RAB37: variants seen among roughly 807,000 people sequenced by gnomAD.
RAB37 encodes ras-related protein Rab-37.
In RAB37, 29 loss-of-function variants were observed where a neutral mutation model predicts 33.1. The ratio of observed to expected loss-of-function variants is 0.88; its 90% CI spans 0.65 to 1.20. The LOEUF is 1.20. Among genes scored for constraint, RAB37 ranks in the 50% most tolerant of loss-of-function variants. The probability of loss-of-function intolerance (pLI) is 0.00; values close to 1 mark genes in which losing one functional copy is unlikely to be tolerated. For missense variants in RAB37, 299 were observed against 301.1 expected, an observed-to-expected ratio of 0.99 and a Z score of 0.05; for synonymous variants, 128 against 119.5, an observed-to-expected ratio of 1.07 and a Z score of -0.47.
At chr17:74,677,893 C>G (rs995553946) in intron 1 of RAB37, among the ~76,000 whole-genome samples, 11 of 152,124 alleles carry the variant, frequency 7.2e-5, no homozygotes, top group Non-Finnish European at 1.6e-4. Flanking sequence ...AATTTGTGGT[C>G]CCTGGGGCCT....
In RAB37 at chr17:74,671,498, C is replaced by A; in HGVS notation, c.-89C>A. On this transcript the variant is annotated 5_prime_UTR_variant, in exon 1 of 8. Coordinates refer to the RAB37 transcript ENST00000340415. This position sits in a 1 kb window ranked among gnomAD's most constrained non-coding sequence, Gnocchi z 5.0. ...CGGCCCGCAGAGCTCAGACCCAAGC[C>A]TGCCGCACCCAGCGGAGCTCGAACC... is the stretch of plus-strand genomic sequence containing the variant. 7.8e-7 allele frequency: 1 copy of A among 1,280,860 alleles called. No individual in the cohort carries two copies. Among genetic ancestry groups the A allele is most frequent in the Non-Finnish European group, 1.1e-6 (1 of 888,148 alleles). The allele number at this position is 1,280,860 out of a possible 1,614,324, so 79.3% of individuals were successfully genotyped here.
rs370641453 is a variant in RAB37, at chr17:74,678,894, T to G, written c.72+7236T>G. ...GGGAGTCCAAGGCAGGCAGATCACC[T>G]GAGGTCAGGAGTTCAAGATCAGCCT... On this transcript the variant is annotated intron_variant, in intron 1 of 7. Transcript: ENST00000340415. Among the ~76,000 whole-genome samples, 92 of 152,258 alleles carry G rather than the reference T, an allele frequency of 6.0e-4. No homozygotes were observed. In the East Asian group the frequency reaches 0.015, roughly 25 times the overall value.
rs779143134 is a variant in RAB37, at chr17:74,745,063, T to G, written c.545T>G (p.Leu182Ter). 6.2e-7 allele frequency: 1 copy of G among 1,614,198 alleles called. No individual in the cohort carries two copies. The highest frequency in any genetic ancestry group is 1.1e-5 in the South Asian group (1 of 91,088). Residue 182 changes from leucine to a stop codon, truncating the protein, a stop_gained, in exon 8 of 9, where the codon TTA (leucine) becomes TGA (stop). Coordinates refer to ENST00000392613, the MANE Select transcript of RAB37 (RefSeq NM_001006638.3). LOFTEE classifies it high-confidence loss of function. This position sits in a 1 kb window ranked among gnomAD's most constrained non-coding sequence, Gnocchi z 4.5. ...GCCAAGACTGGCATGAATGTGGAGT[T>G]AGCCTTTCTGGCCATCGCCAAGTGA... ...TSAKTGMNVELAFLAIAKELK... is the reference protein window; with the variant it reads ...TSAKTGMNVE
intron 1 of RAB37, chr17:74,672,716 T>G (rs1015654803): frequency 1.3e-5 from 2 of 152,214 alleles, no homozygotes; most frequent in African/African-American, 4.8e-5. Context: ...ACTAAACTTC[T>G]CATCAAAGTG....
At chr17:74,698,686 G>A (rs1001092834) in intron 1 of RAB37, 1 of 1,299,844 alleles carries the variant, frequency 7.7e-7, no homozygotes, top group Non-Finnish European at 1.0e-6. Flanking sequence ...AATGGAACAA[G>A]AGACACCAGG....
intron 1 of RAB37, chr17:74,703,180 A>C (rs1354012320): frequency 6.4e-7 from 1 of 1,570,984 alleles, no homozygotes. Context: ...CAGATCACAG[A>C]TGCCCCTGCC....
Position 74,744,575 on chromosome 17 carries a change from T to C in RAB37, c.432+202T>C. On this transcript the variant is annotated intron_variant, in intron 6 of 8. Transcript: ENST00000392613. The surrounding 1 kb of genome is among the most constrained non-coding windows in gnomAD (Gnocchi z 4.2). The stretch of plus-strand genomic sequence containing the variant: ...AAAGTCCAAGTTGTTGCCTGAGAAA[T>C]CAAGGGGTGCCCAGTTCTCAGCCCC... 1.6e-6 allele frequency: 1 copy of C among 637,444 alleles called. No homozygotes were observed. The allele number at this position is 637,444 out of a possible 1,614,324, so 39.5% of individuals were successfully genotyped here.
At chr17:74,692,740 G>A (rs368502661) in intron 1 of RAB37, among the ~76,000 whole-genome samples, 7 of 152,110 alleles carry the variant, frequency 4.6e-5, no homozygotes, top group African/African-American at 1.7e-4. Context: ...ATTTTCAGGA[G>A]AGGAAAAAGG....
At chr17:74,695,867 A>G (rs1233915460) in intron 1 of RAB37, 14 of 1,611,512 alleles carry the variant, frequency 8.7e-6, no homozygotes, top group Non-Finnish European at 1.2e-5. Flanking sequence ...TACCTGGGAC[A>G]GGGAACACAG....
chr17:74,740,320 G>T (rs2144071460), intron 1 of RAB37, among the ~76,000 whole-genome samples: 1 of 152,164 alleles, frequency 6.6e-6, no homozygotes, highest in South Asian at 2.1e-4. Context: ...CCAATATATT[G>T]ACACTTCCCT....
chr17:74,684,594 C>G (rs1336782796), intron 1 of RAB37, among the ~76,000 whole-genome samples: 1 of 151,998 alleles, frequency 6.6e-6, no homozygotes, highest in African/African-American at 2.4e-5. Context: ...TTGAGAACAG[C>G]CTGACCAACA....
intron 1 of RAB37, among the ~76,000 whole-genome samples, chr17:74,725,182 C>T (rs924910125): frequency 2.0e-4 from 31 of 152,198 alleles, no homozygotes; most frequent in Admixed American, 2.0e-4. Context: ...GGACAAACAA[C>T]CTCCTGTCCC....
At chr17:74,740,998 G>A in intron 2 of RAB37, 120 bp downstream of exon 2, 2 of 757,864 alleles carry the variant, frequency 2.6e-6, no homozygotes, top group South Asian at 3.0e-5. Flanking sequence ...CATGCCTGGA[G>A]GGCACACAAC....
intron 1 of RAB37, chr17:74,695,274 G>A (rs373862190): frequency 2.0e-5 from 33 of 1,612,992 alleles, no homozygotes; most frequent in Non-Finnish European, 2.8e-5. Context: ...CGGGCTCCAG[G>A]TCAGAGAGGA....
chr17:74,714,349 G>T (rs2034125489), intron 1 of RAB37, among the ~76,000 whole-genome samples: 1 of 151,320 alleles, frequency 6.6e-6, no homozygotes, highest in South Asian at 2.1e-4. Flanking sequence ...TTGAGCCACT[G>T]TTCACTGTAC....
intron 1 of RAB37, among the ~76,000 whole-genome samples, chr17:74,708,155 AAAAAAAG>A (rs1330555527): frequency 2.0e-4 from 30 of 151,846 alleles, no homozygotes; most frequent in African/African-American, 5.3e-4. Flanking sequence ...CTCAAAAAAA[AAAAAAAG>A]AAAAAAGAAA....
chr17:74,707,793 G>A (rs1402793938), intron 1 of RAB37, among the ~76,000 whole-genome samples: 2 of 151,592 alleles, frequency 1.3e-5, no homozygotes, highest in Non-Finnish European at 2.9e-5. Flanking sequence ...CCATGAATAA[G>A]ATAAAAGGAT....
chr17:74,736,851 G>A (rs1402889809), upstream of RAB37: 5 of 1,525,620 alleles, frequency 3.3e-6, no homozygotes, highest in Non-Finnish European at 4.4e-6. Flanking sequence ...CCAGCTCCCC[G>A]CCTCGCCACC....
At chr17:74,716,318 G>A (rs2034164826) in intron 1 of RAB37, among the ~76,000 whole-genome samples, 2 of 152,182 alleles carry the variant, frequency 1.3e-5, no homozygotes, top group African/African-American at 4.8e-5. Flanking sequence ...ATGTATGTAC[G>A]TGAATGGTTG....
Sources: allele counts gnomAD v4.1 joint callset (sites outside exome capture counted in the v4.1 genomes callset), GRCh38; gene constraint gnomAD v4.1.1; non-coding constraint Gnocchi (gnomAD v3.1); transcripts MANE v1.5; gene names NCBI Gene and HGNC (gene_info 2026-07-23, HGNC 2026-07-21).